Variants in NCK1 observed in about 807,000 individuals in gnomAD.
NCK1 encodes the protein SH2/SH3 adapter protein NCK1.
A neutral mutation model predicts 36.6 loss-of-function variants in NCK1; 19 were observed. That is an observed-to-expected ratio of 0.52 (90% CI 0.36 to 0.76). NCK1 has a LOEUF of 0.76. NCK1 is among the 30% of genes least tolerant of loss of function. NCK1 has a pLI of 0.00. For missense variants in NCK1, 358 were observed against 445.6 expected (o/e 0.80, Z 1.77); for synonymous variants, 165 against 156.0 (o/e 1.06, Z -0.43).
At chr3:136,928,249 A>G (rs1361509788) in intron 2 of NCK1, 22 bp downstream of exon 2, 1 of 1,576,140 alleles carries the variant, frequency 6.3e-7, no homozygotes, top group East Asian at 2.2e-5. Context: ...TTTAAAAGAA[A>G]AGCAACTTTG....
chr3:136,949,385 G>C lies in NCK1; in HGVS notation c.*932G>C, dbSNP rs556930294. ...TAAATATCAGTAATTGTCAGGAATGGTATTACCTATTTTCATTTCCTCTTT... is the reference window on the plus strand; with the variant it reads ...TAAATATCAGTAATTGTCAGGAATGCTATTACCTATTTTCATTTCCTCTTT... On this transcript the variant is annotated 3_prime_UTR_variant, in exon 4 of 4. Coordinates refer to ENST00000481752, the MANE Select transcript of NCK1 (RefSeq NM_001291999.2). 6.8e-6 allele frequency: 1 copy of C among 146,062 alleles called. No individual in the cohort carries two copies. The highest frequency in any genetic ancestry group is 2.3e-4 in the South Asian group (1 of 4,422). The allele number at this position is 146,062 out of a possible 1,614,324, so 9.0% of individuals were successfully genotyped here.
chr3:136,931,845 C>T (rs976167325), intron 2 of NCK1, among the ~76,000 whole-genome samples: 17 of 152,142 alleles, frequency 1.1e-4, no homozygotes, highest in Non-Finnish European at 1.8e-4. Flanking sequence ...TGTGGCTAGG[C>T]GTGGCAGCTC....
chr3:136,863,098 C>T (rs1322897573), intron 1 of NCK1, among the ~76,000 whole-genome samples: 2 of 151,934 alleles, frequency 1.3e-5, no homozygotes, highest in African/African-American at 4.8e-5. Flanking sequence ...GAGGACGTAA[C>T]CGTAGGAACG....
rs1226792095 is a variant in NCK1 at position 136,907,807 on chromosome 3, C to T, written c.-18-20177C>T. ...ATTGATAATTGAATACTGTCCATGA[C>T]TCAGACTGTAACAAAGTGAGAACAT... On this transcript the variant is annotated intron_variant, in intron 1 of 3. Transcript: ENST00000481752. Among the ~76,000 whole-genome samples the T allele has an allele frequency of 2.6e-5, 4 of 152,310 alleles. No individual in the cohort carries two copies. In the East Asian group the frequency reaches 7.7e-4, roughly 29 times the overall value.
At chr3:136,889,589 C>G (rs879291591) in intron 1 of NCK1, among the ~76,000 whole-genome samples, 4 of 152,074 alleles carry the variant, frequency 2.6e-5, no homozygotes, top group Non-Finnish European at 5.9e-5. Context: ...ATTCTCTTAT[C>G]TGGCCCCACC....
chr3:136,920,436 T>C (rs1278538770), intron 1 of NCK1, among the ~76,000 whole-genome samples: 1 of 152,170 alleles, frequency 6.6e-6, no homozygotes, highest in Non-Finnish European at 1.5e-5. Context: ...TAGTGGAGAC[T>C]AGGAGACAGA....
intron 1 of NCK1, among the ~76,000 whole-genome samples, chr3:136,870,902 C>T (rs193068145): frequency 1.8e-4 from 27 of 152,148 alleles, no homozygotes; most frequent in East Asian, 1.2e-3. Context: ...AGACAGATGC[C>T]AAATATTAAT....
At chr3:136,944,988 A>G in intron 2 of NCK1, among the ~76,000 whole-genome samples, 1 of 152,242 alleles carries the variant, frequency 6.6e-6, no homozygotes, top group East Asian at 1.9e-4. Flanking sequence ...TTTGGAGGTT[A>G]CATATGACTG....
At chr3:136,910,091 T>G (rs1467166696) in intron 1 of NCK1, among the ~76,000 whole-genome samples, 3 of 152,242 alleles carry the variant, frequency 2.0e-5, no homozygotes, top group African/African-American at 4.8e-5. Flanking sequence ...TAGGAGAGAC[T>G]GCTGTTATTT....
chr3:136,899,911 TC>T, intron 1 of NCK1: 2 of 941,012 alleles, frequency 2.1e-6, no homozygotes, highest in South Asian at 2.7e-5. Context: ...ATTTCTTCTT[TC>T]TGGAGATTGT....
intron 1 of NCK1, among the ~76,000 whole-genome samples, chr3:136,895,051 T>A (rs1382786194): frequency 1.3e-5 from 2 of 152,110 alleles, no homozygotes; most frequent in Non-Finnish European, 2.9e-5. Flanking sequence ...AATTTTGTAT[T>A]TTTAGTAAAG....
At chr3:136,893,315 T>TATTTTTTG (rs1369932277) in intron 1 of NCK1, among the ~76,000 whole-genome samples, 12 of 147,152 alleles carry the variant, frequency 8.2e-5, no homozygotes, top group African/African-American at 3.0e-4. Flanking sequence ...CGTCAACATC[T>TATTTTTTG]ATTTTTTGAT....
chr3:136,879,998 A>AAAAAAAAAAG (rs1404300485), intron 1 of NCK1, among the ~76,000 whole-genome samples: 1 of 149,266 alleles, frequency 6.7e-6, no homozygotes, highest in African/African-American at 2.5e-5. Context: ...TTAAAAAAAA[A>AAAAAAAAAAG]AAAAGGCTGG....
At chr3:136,899,345 T>A in intron 1 of NCK1, 1 of 260,044 alleles carries the variant, frequency 3.8e-6, no homozygotes, top group Non-Finnish European at 7.9e-6. Context: ...TCTACCAAAG[T>A]CACTAAAGCA....
At chr3:136,903,624 C>T (rs114383431) in intron 1 of NCK1, among the ~76,000 whole-genome samples, 5,782 of 152,114 alleles carry the variant, frequency 0.038, 206 homozygotes, top group Admixed American at 0.1. Flanking sequence ...GGGGTTTCAC[C>T]GTGTAGGCCA....
intron 2 of NCK1, among the ~76,000 whole-genome samples, chr3:136,931,009 CT>C (rs1181211220): frequency 1.5e-4 from 22 of 148,516 alleles, no homozygotes; most frequent in Middle Eastern, 3.6e-3. Context: ...TTTTTGCTTA[CT>C]TTTTTTTTAG....
chr3:136,878,331 C>T (rs1352851551), intron 1 of NCK1, among the ~76,000 whole-genome samples: 1 of 152,040 alleles, frequency 6.6e-6, no homozygotes, highest in African/African-American at 2.4e-5. Flanking sequence ...GTCGTTTGAA[C>T]TGGGGAGGTG....
chr3:136,934,110 A>G (rs1267538892), intron 2 of NCK1, among the ~76,000 whole-genome samples: 1 of 152,198 alleles, frequency 6.6e-6, no homozygotes, highest in Non-Finnish European at 1.5e-5. Flanking sequence ...AGTGCTTTAC[A>G]CATAGACTTC....
chr3:136,881,005 T>G (rs999856719), intron 1 of NCK1, among the ~76,000 whole-genome samples: 1 of 152,194 alleles, frequency 6.6e-6, no homozygotes, highest in Admixed American at 6.5e-5. Context: ...CTCATTTCAT[T>G]AAATGATATT....
Sources: gnomAD v4.1 joint callset for allele counts (sites outside exome capture counted in the v4.1 genomes callset) on GRCh38, gnomAD v4.1.1 for gene constraint, MANE v1.5 for transcripts, NCBI Gene and HGNC (gene_info 2026-07-23, HGNC 2026-07-21) for gene names.